Variants in CFI observed in about 807,000 individuals in gnomAD.
CFI encodes the protein C3B/C4B inactivator.
Under a neutral mutation model 78.8 loss-of-function variants are expected in CFI, and 66 were observed. That is an observed-to-expected ratio of 0.84 (90% CI 0.69 to 1.03). CFI has a LOEUF of 1.03. Among genes scored for constraint, CFI ranks in the 50% least tolerant of loss-of-function variants. The pLI is 0.00. For missense variants in CFI, 706 were observed against 704.5 expected (o/e 1.00, Z -0.02); for synonymous variants, 250 against 232.6 (o/e 1.07, Z -0.68).
At chr4:109,778,234 A>G (rs1177019913) in intron 1 of CFI, among the ~76,000 whole-genome samples, 4 of 152,240 alleles carry the variant, frequency 2.6e-5, no homozygotes. Context: ...CTAGACTGCT[A>G]GCAAGACTAA....
chr4:109,747,651 T>C (rs866659026), intron 10 of CFI, among the ~76,000 whole-genome samples: 54 of 152,342 alleles, frequency 3.5e-4, no homozygotes, highest in African/African-American at 1.3e-3. Context: ...GGATTTTTCT[T>C]AAGCAATAAA....
chr4:109,791,357 C>T (rs1156917109), intron 1 of CFI, among the ~76,000 whole-genome samples: 1 of 151,712 alleles, frequency 6.6e-6, no homozygotes, highest in Admixed American at 6.6e-5. Flanking sequence ...TTGTCAGATG[C>T]ATAATTTGCA....
At position 109,740,973 on chromosome 4, in the gene CFI, C is replaced by T. The variant is rs781251939; in HGVS notation, c.1672G>A (p.Val558Ile). ...ENCGKPEFPG[V>I]YTKVANYFDW... Reference sequence around the variant, plus strand: ...AAATAATTGGCCACTTTGGTGTAAACACCTGGGAACTCTGGTTTTCCACAG... The same window carrying T: ...AAATAATTGGCCACTTTGGTGTAAATACCTGGGAACTCTGGTTTTCCACAG... Residue 558 changes from valine (V) to isoleucine (I), a missense_variant, in exon 13 of 13, where the codon GTT becomes ATT. Physicochemically the swap from Val to Ile is conservative, Grantham distance 29. Coordinates refer to ENST00000394634, the MANE Select transcript of CFI (RefSeq NM_000204.5). 6.2e-7 allele frequency: 1 copy of T among 1,614,166 alleles called. No individual in the cohort carries two copies. Among genetic ancestry groups the T allele is most frequent in the Non-Finnish European group, 8.5e-7 (1 of 1,180,016 alleles).
At chr4:109,781,162 T>G (rs2125845508) in intron 1 of CFI, among the ~76,000 whole-genome samples, 1 of 152,164 alleles carries the variant, frequency 6.6e-6, no homozygotes, top group South Asian at 2.1e-4. Flanking sequence ...ATTTCCAACT[T>G]GATTTTCTTT....
At chr4:109,742,105 A>T (rs1185660366) in intron 12 of CFI, 2 of 204,404 alleles carry the variant, frequency 9.8e-6, no homozygotes, top group African/African-American at 4.6e-5. Context: ...TGTCTGTAAG[A>T]CTTTGGACAA....
chr4:109,733,451 G>A, the CFI span, among the ~76,000 whole-genome samples: 1 of 152,240 alleles, frequency 6.6e-6, no homozygotes, highest in East Asian at 1.9e-4. Context: ...TCCTGCTAGA[G>A]AGTGGCTAGC....
chr4:109,758,113 C>T (rs374484585), intron 6 of CFI, among the ~76,000 whole-genome samples: 226 of 152,106 alleles, frequency 1.5e-3, no homozygotes, highest in African/African-American at 5.1e-3. Flanking sequence ...TAAGAGTAAA[C>T]TGAAGTAACA....
chr4:109,771,714 CAAAAAAAAAAAAA>C (rs149565381), intron 1 of CFI, among the ~76,000 whole-genome samples: 12 of 18,124 alleles, frequency 6.6e-4, no homozygotes, highest in African/African-American at 2.1e-3. Flanking sequence ...ACTCCATCAC[CAAAAAAAAAAAAA>C]AAAAAAAAAA....
chr4:109,761,546 G>T lies in CFI; in HGVS notation c.629C>A (p.Ala210Asp). ...KRRTMGYQDF[A>D]DVVCYTQKAD... ...TTTCTGTGTATAACAAACCACATCA[G>T]CGAAATCCTGGTAACCCATAGTTCT... Residue 210 changes from alanine to aspartate, a missense_variant, in exon 4 of 13, where the codon GCT becomes GAT. By Grantham distance (126) the Ala-to-Asp change is moderately radical (BLOSUM62 -2). Transcript: ENST00000394634. 6.2e-7 allele frequency: 1 copy of T among 1,614,102 alleles called. No individual in the cohort carries two copies.
chr4:109,797,279 G>C (rs1732170212), intron 1 of CFI, among the ~76,000 whole-genome samples: 1 of 152,142 alleles, frequency 6.6e-6, no homozygotes, highest in African/African-American at 2.4e-5. Flanking sequence ...ACCATGCATA[G>C]ATAGTCAACT....
chr4:109,741,617 C>T (rs1442330564), intron 12 of CFI, among the ~76,000 whole-genome samples: 1 of 152,202 alleles, frequency 6.6e-6, no homozygotes, highest in Non-Finnish European at 1.5e-5. Context: ...AACCACACCT[C>T]AGAGCTTGTC....
chr4:109,759,253 TA>T (rs199769430), intron 6 of CFI, among the ~76,000 whole-genome samples: 32,898 of 90,104 alleles, frequency 0.37, 3,944 homozygotes, highest in Non-Finnish European at 0.49. Flanking sequence ...TCAGTTTCTC[TA>T]AAAAAAAAAA....
intron 8 of CFI, 73 bp from the exon 9 acceptor site, chr4:109,749,675 C>G: frequency 1.1e-6 from 1 of 934,914 alleles, no homozygotes; most frequent in Non-Finnish European, 1.8e-6. Flanking sequence ...TCTTGATTAT[C>G]TATGCCACAA....
rs201954070 is a variant in CFI at position 109,776,202 on chromosome 4, G to T, written c.58-9378C>A. ...CTAAAGGAGGATGTTCGAACCCATC[G>T]CAAAGAAGCTAAAAACCTTGAAAAA... is the stretch of plus-strand genomic sequence containing the variant. On this transcript the variant is annotated intron_variant, in intron 1 of 12. Transcript: ENST00000394634. Among the ~76,000 whole-genome samples the T allele has an allele frequency of 1.0e-3, 158 of 152,204 alleles. 3 individuals carry two copies. Among genetic ancestry groups the T allele is most frequent in the East Asian group, 8.1e-3 (42 of 5,176 alleles).
At chr4:109,734,573 G>T in the CFI span, among the ~76,000 whole-genome samples, 2 of 152,198 alleles carry the variant, frequency 1.3e-5, no homozygotes, top group Admixed American at 6.5e-5. Flanking sequence ...GGAGGCCAAG[G>T]CGGGCAGATC....
chr4:109,732,234 A>G, the CFI span, among the ~76,000 whole-genome samples: 102 of 152,058 alleles, frequency 6.7e-4, 1 homozygote, highest in South Asian at 3.1e-3. Context: ...TCTTTGTCTG[A>G]TCTCTCCTTA....
At chr4:109,769,672 G>C (rs762393177) in intron 1 of CFI, among the ~76,000 whole-genome samples, 6 of 152,208 alleles carry the variant, frequency 3.9e-5, no homozygotes, top group Admixed American at 2.0e-4. Flanking sequence ...CCAGCTGGCT[G>C]CTCATGGTCC....
downstream of CFI, among the ~76,000 whole-genome samples, chr4:109,738,382 G>A (rs1198301270): frequency 6.6e-6 from 1 of 152,128 alleles, no homozygotes; most frequent in Non-Finnish European, 1.5e-5. Flanking sequence ...AAAGTGCTGA[G>A]ATTACAGGTA....
intron 1 of CFI, among the ~76,000 whole-genome samples, chr4:109,800,321 GTTTTTTTTTTTTTTTTT>G (rs554145445): frequency 4.1e-5 from 2 of 48,774 alleles, no homozygotes; most frequent in Non-Finnish European, 7.1e-5. Context: ...TGGCTTCTCT[GTTTTTTTTTTTTTTTTT>G]TTTTTTTTTT....
Sources: gnomAD v4.1 joint callset for allele counts (sites outside exome capture counted in the v4.1 genomes callset) on GRCh38, gnomAD v4.1.1 for gene constraint, MANE v1.5 for transcripts, NCBI Gene and HGNC (gene_info 2026-07-23, HGNC 2026-07-21) for gene names.